Variants in PDPN observed in about 807,000 individuals in gnomAD.
PDPN encodes the protein podoplanin.
PDPN carries 12 observed loss-of-function variants against 23.2 expected under a neutral mutation model. That is an observed-to-expected ratio of 0.52 (90% CI 0.33 to 0.84). PDPN has a LOEUF of 0.84. PDPN is among the 40% of genes least tolerant of loss of function. PDPN has a pLI of 0.02. For synonymous variants in PDPN, 77 were observed against 76.7 expected (o/e 1.00, Z -0.02); for missense variants, 199 against 212.2 (o/e 0.94, Z 0.39).
intron 1 of PDPN, among the ~76,000 whole-genome samples, chr1:13,587,471 C>T (rs1333788378): frequency 6.6e-6 from 1 of 151,936 alleles, no homozygotes; most frequent in African/African-American, 2.4e-5. Context: ...GGAAATACGA[C>T]GGGGGAGGAG....
intron 3 of PDPN, among the ~76,000 whole-genome samples, chr1:13,612,277 A>G (rs977085948): frequency 6.6e-6 from 1 of 152,194 alleles, no homozygotes; most frequent in Non-Finnish European, 1.5e-5. Context: ...AAACACCCAA[A>G]TACGATGACG....
chr1:13,585,413 T>C (rs1189147046), intron 1 of PDPN: 1 of 1,111,114 alleles, frequency 9.0e-7, no homozygotes, highest in Non-Finnish European at 1.2e-6. Flanking sequence ...CTTTGGAACT[T>C]CTCTTTCCAC....
At chr1:13,608,902 G>A (rs186642704) in intron 2 of PDPN, among the ~76,000 whole-genome samples, 8 of 151,946 alleles carry the variant, frequency 5.3e-5, no homozygotes, top group East Asian at 1.9e-4. Context: ...ATTACAGAAC[G>A]GCTGCCTTTT....
chr1:13,610,409 T>A lies in PDPN; in HGVS notation c.224T>A (p.Val75Glu). 6.2e-7 allele frequency: 1 copy of A among 1,613,856 alleles called. No individual in the cohort carries two copies. ...TAGGTGGCAACAAGTGTCAACAGTG[T>A]AACAGGCATTCGCATCGAGGATCTG... ...TTLVATSVNS[V>E]TGIRIEDLPT... The change falls in exon 3 of 6, where the codon GTA (valine) becomes GAA (glutamate). Residue 75 changes from valine to glutamate, a missense_variant. Physicochemically the swap from Val to Glu is moderately radical, Grantham distance 121. Coordinates refer to ENST00000621990, the MANE Select transcript of PDPN (RefSeq NM_006474.5).
chr1:13,608,855 G>T (rs1640863097), intron 2 of PDPN, among the ~76,000 whole-genome samples: 1 of 152,058 alleles, frequency 6.6e-6, no homozygotes, highest in Non-Finnish European at 1.5e-5. Context: ...TTGAAAGACA[G>T]TTTTGGCGGG....
chr1:13,607,198 C>T lies in PDPN; in HGVS notation c.93C>T (p.Asp31=), dbSNP rs1640810010. The T allele has an allele frequency of 1.2e-6, 2 of 1,613,932 alleles. No homozygotes were observed. Among genetic ancestry groups the T allele is most frequent in the Admixed American group, 3.3e-5 (2 of 59,990 alleles). ...CCAGCACAGGCCAGCCAGAAGATGA[C>T]ACTGAGACTACAGGTTTGGAAGGCG... ...EGASTGQPED[D]TETTGLEGGV... Residue 31 remains aspartate, a synonymous_variant, in exon 2 of 6, where the codon GAC becomes GAT. Transcript: ENST00000621990.
chr1:13,595,408 C>T (rs1640467690), intron 1 of PDPN, among the ~76,000 whole-genome samples: 1 of 152,094 alleles, frequency 6.6e-6, no homozygotes, highest in Non-Finnish European at 1.5e-5. Context: ...AAAGTGCTGC[C>T]CTCAACTTTG....
At chr1:13,605,347 C>A (rs532606740) in intron 1 of PDPN, among the ~76,000 whole-genome samples, 3 of 152,348 alleles carry the variant, frequency 2.0e-5, no homozygotes, top group South Asian at 4.1e-4. Context: ...CTCCCCCTCG[C>A]TCCTGGGATG....
intron 1 of PDPN, among the ~76,000 whole-genome samples, chr1:13,584,538 C>A (rs2100583623): frequency 6.6e-6 from 1 of 152,348 alleles, no homozygotes; most frequent in Middle Eastern, 3.4e-3. Flanking sequence ...GGGCTTGGGC[C>A]AAGGGGAGGG....
intron 3 of PDPN, among the ~76,000 whole-genome samples, chr1:13,610,860 A>T (rs1640916515): frequency 6.6e-6 from 1 of 152,218 alleles, no homozygotes. Context: ...ATCCTCTGTA[A>T]ATCTTAATAG....
intron 1 of PDPN, among the ~76,000 whole-genome samples, chr1:13,592,523 T>C (rs1373133223): frequency 1.3e-5 from 2 of 151,360 alleles, no homozygotes; most frequent in Non-Finnish European, 2.9e-5. Flanking sequence ...GTGGTCAAGG[T>C]ACCATTTGTT....
intron 1 of PDPN, among the ~76,000 whole-genome samples, chr1:13,604,992 T>TA (rs1057050180): frequency 6.6e-6 from 1 of 151,948 alleles, no homozygotes; most frequent in Non-Finnish European, 1.5e-5. Context: ...ACCCCCAGAT[T>TA]AAAAAAATGT....
chr1:13,588,620 TA>T (rs1057490480), intron 1 of PDPN, among the ~76,000 whole-genome samples: 14 of 147,498 alleles, frequency 9.5e-5, no homozygotes, highest in Non-Finnish European at 1.6e-4. Flanking sequence ...ACATATATAA[TA>T]TATAATATAA....
intron 1 of PDPN, among the ~76,000 whole-genome samples, chr1:13,584,592 G>C (rs1557532049): frequency 6.6e-6 from 1 of 152,248 alleles, no homozygotes; most frequent in Non-Finnish European, 1.5e-5. Context: ...GGACTACCTA[G>C]TCTGGCGCCC....
intron 2 of PDPN, 60 bp downstream of exon 2, chr1:13,607,366 T>C: frequency 3.1e-6 from 4 of 1,295,468 alleles, no homozygotes; most frequent in Non-Finnish European, 4.3e-6. Flanking sequence ...TGCAAGGCTA[T>C]GATGTATATT....
In PDPN at chr1:13,616,205, T is replaced by C; in HGVS notation, c.*294T>C. The C allele has an allele frequency of 1.2e-5, 6 of 486,322 alleles. No individual in the cohort carries two copies. In the South Asian group the frequency reaches 1.5e-4, roughly 12 times the overall value. 30.1% of individuals were successfully genotyped at this position (486,322 alleles called of 1,614,324 possible). On this transcript the variant is annotated 3_prime_UTR_variant, in exon 6 of 6. Transcript: ENST00000621990. Reference sequence around the variant, plus strand: ...GAGCAAAACTGTATAAACTGATTTGTAACTAACACTGGACCATTGGATCGA... The same window carrying C: ...GAGCAAAACTGTATAAACTGATTTGCAACTAACACTGGACCATTGGATCGA...
chr1:13,615,255 A>G (rs973620144), intron 5 of PDPN, among the ~76,000 whole-genome samples: 2 of 151,130 alleles, frequency 1.3e-5, no homozygotes, highest in African/African-American at 4.9e-5. Flanking sequence ...ATCTACACTC[A>G]TGGCCAGAGG....
intron 1 of PDPN, chr1:13,595,747 C>A: frequency 1.6e-6 from 1 of 608,124 alleles, no homozygotes. Flanking sequence ...GCTGCTCACA[C>A]GAAATTGAAC....
chr1:13,606,760 T>C (rs1640798957), intron 1 of PDPN, among the ~76,000 whole-genome samples: 1 of 152,246 alleles, frequency 6.6e-6, no homozygotes, highest in Non-Finnish European at 1.5e-5. Flanking sequence ...AAGGGGTGTG[T>C]TTAGAAATCT....
Sources: gnomAD v4.1 joint callset for allele counts (sites outside exome capture counted in the v4.1 genomes callset) on GRCh38, gnomAD v4.1.1 for gene constraint, MANE v1.5 for transcripts, NCBI Gene and HGNC (gene_info 2026-07-23, HGNC 2026-07-21) for gene names.